Variants in DOCK2 observed in about 807,000 individuals in gnomAD.
DOCK2 encodes dedicator of cytokinesis 2, also known as dedicator of cytokinesis protein 2.
A neutral mutation model predicts 248.9 loss-of-function variants in DOCK2; 87 were observed. The ratio of observed to expected loss-of-function variants is 0.35; its 90% CI spans 0.29 to 0.42. The LOEUF is 0.42. Among genes scored for constraint, DOCK2 ranks in the 10% least tolerant of loss-of-function variants. DOCK2 has a pLI of 1.00. For missense variants in DOCK2, 1,747 were observed against 2,300.2 expected (o/e 0.76, Z 4.92); for synonymous variants, 805 against 821.6 (o/e 0.98, Z 0.35).
chr5:169,949,301 T>C (rs993532009), intron 27 of DOCK2, among the ~76,000 whole-genome samples: 8 of 152,106 alleles, frequency 5.3e-5, no homozygotes, highest in African/African-American at 9.7e-5. Flanking sequence ...AGGAGGGAGA[T>C]CATAATAATG....
At chr5:169,744,607 C>CAAA (rs35858546) in intron 22 of DOCK2, among the ~76,000 whole-genome samples, 7 of 145,136 alleles carry the variant, frequency 4.8e-5, no homozygotes, top group African/African-American at 1.7e-4. Context: ...CTCATAAAAT[C>CAAA]AAAAAAAAAA....
intron 23 of DOCK2, among the ~76,000 whole-genome samples, chr5:169,747,808 A>C (rs568822487): frequency 1.2e-4 from 18 of 152,324 alleles, no homozygotes; most frequent in African/African-American, 4.3e-4. Flanking sequence ...AGTCTCTTAA[A>C]CTGAGTTTAA....
chr5:169,836,145 A>G (rs1769570703), intron 26 of DOCK2, among the ~76,000 whole-genome samples: 1 of 152,124 alleles, frequency 6.6e-6, no homozygotes, highest in Non-Finnish European at 1.5e-5. Flanking sequence ...CAAAACTGTA[A>G]GTAGCATCAT....
chr5:170,042,493 C>T (rs1054239238), intron 38 of DOCK2, among the ~76,000 whole-genome samples: 1 of 152,242 alleles, frequency 6.6e-6, no homozygotes, highest in Admixed American at 6.5e-5. Flanking sequence ...ATTACACAAT[C>T]CTTCCCATGG....
intron 44 of DOCK2, among the ~76,000 whole-genome samples, chr5:170,062,165 G>C (rs537631577): frequency 9.6e-4 from 146 of 151,972 alleles, no homozygotes; most frequent in African/African-American, 3.3e-3. Flanking sequence ...GAGTGAGTCA[G>C]TCAATTCCCA....
At chr5:169,750,975 A>G (rs1217325093) in intron 23 of DOCK2, among the ~76,000 whole-genome samples, 1 of 152,186 alleles carries the variant, frequency 6.6e-6, no homozygotes, top group Non-Finnish European at 1.5e-5. Flanking sequence ...AGAGATGTGG[A>G]CATGTAGCCT....
intron 22 of DOCK2, among the ~76,000 whole-genome samples, chr5:169,736,188 TCTC>T (rs1763030620): frequency 6.6e-6 from 1 of 152,190 alleles, no homozygotes; most frequent in South Asian, 2.1e-4. Flanking sequence ...TCACAGCCCT[TCTC>T]CTAGAATTGA....
chr5:170,004,789 C>T (rs1002422134), intron 30 of DOCK2, among the ~76,000 whole-genome samples: 2 of 147,916 alleles, frequency 1.4e-5, no homozygotes, highest in Non-Finnish European at 3.0e-5. Flanking sequence ...AAATTGGAAA[C>T]CATCATTCTC....
Position 169,717,411 on chromosome 5 carries a change from C to T in DOCK2, c.2059C>T (p.Arg687Trp), listed in dbSNP as rs993592703. ...LIYIIGLIAD[R>W]KFQHFNTVLE... ...TTACATAATAGGACTCATTGCAGAC[C>T]GGAAATTTCAGCATTTCAACACCGT... Residue 687 changes from arginine (R) to tryptophan (W), a missense_variant, in exon 21 of 52, where the codon CGG (arginine) becomes TGG (tryptophan). Transcript: ENST00000520908. The T allele has an allele frequency of 1.9e-6, 3 of 1,613,846 alleles. No homozygotes were observed. Among genetic ancestry groups the T allele is most frequent in the East Asian group, 2.2e-5 (1 of 44,868 alleles).
intron 25 of DOCK2, among the ~76,000 whole-genome samples, chr5:169,768,953 C>T (rs1270750960): frequency 6.6e-6 from 1 of 152,180 alleles, no homozygotes; most frequent in Non-Finnish European, 1.5e-5. Flanking sequence ...CTCAAGCCTG[C>T]AGTAAGTCCT....
At position 169,849,044 on chromosome 5, in the gene DOCK2, C is replaced by T. The variant is rs187006117; in HGVS notation, c.2799+8192C>T. ...GCAGGACAGTAGCAACTCCTCCCAA[C>T]CCCAGTCCGTGGCAAGCAGGAGGGA... On this transcript the variant is annotated intron_variant, in intron 27 of 51. Transcript: ENST00000520908. 4.5e-3 allele frequency among the ~76,000 whole-genome samples: 685 copies of T among 152,206 alleles called. 9 individuals are homozygous for T. The highest frequency in any genetic ancestry group is 0.015 in the African/African-American group (641 of 41,522).
At chr5:169,675,099 A>T (rs1339650835) in intron 6 of DOCK2, among the ~76,000 whole-genome samples, 2 of 152,200 alleles carry the variant, frequency 1.3e-5, no homozygotes, top group African/African-American at 4.8e-5. Context: ...ATGCAGTTTG[A>T]TTATCCCCAC....
chr5:169,944,470 A>G (rs924867467), intron 27 of DOCK2, among the ~76,000 whole-genome samples: 2 of 152,144 alleles, frequency 1.3e-5, no homozygotes, highest in African/African-American at 4.8e-5. Flanking sequence ...AGGAGGCAGG[A>G]GATTTGGAAA....
At chr5:169,889,771 A>G (rs1250378783) in intron 27 of DOCK2, among the ~76,000 whole-genome samples, 1 of 152,218 alleles carries the variant, frequency 6.6e-6, no homozygotes, top group Non-Finnish European at 1.5e-5. Context: ...TTGTGTTCCA[A>G]TAAAACTTTA....
At chr5:169,959,035 G>A (rs970218777) in intron 27 of DOCK2, among the ~76,000 whole-genome samples, 32 of 152,158 alleles carry the variant, frequency 2.1e-4, no homozygotes, top group African/African-American at 7.7e-4. Flanking sequence ...GGACTGGGCA[G>A]AAACAACATA....
At chr5:169,647,690 C>T (rs1441031076) in intron 1 of DOCK2, among the ~76,000 whole-genome samples, 2 of 152,122 alleles carry the variant, frequency 1.3e-5, no homozygotes, top group Non-Finnish European at 2.9e-5. Flanking sequence ...TGCTGTCACA[C>T]CCTCTCCCCA....
chr5:170,010,514 GAGA>G (rs1403344659), intron 32 of DOCK2, among the ~76,000 whole-genome samples: 1 of 152,166 alleles, frequency 6.6e-6, no homozygotes, highest in Non-Finnish European at 1.5e-5. Context: ...TGCCCAAGCA[GAGA>G]AAAAAGACAG....
At chr5:169,756,636 T>C (rs539165640) in intron 23 of DOCK2, among the ~76,000 whole-genome samples, 1 of 152,220 alleles carries the variant, frequency 6.6e-6, no homozygotes, top group Non-Finnish European at 1.5e-5. Flanking sequence ...CTAGAAGTGC[T>C]TGCACCAGGC....
Position 169,924,743 on chromosome 5 carries a change from A to G in DOCK2, c.2800-58325A>G, listed in dbSNP as rs532623797. 2.0e-5 allele frequency among the ~76,000 whole-genome samples: 3 copies of G among 152,280 alleles called. No individual in the cohort carries two copies. In the South Asian group the frequency reaches 6.2e-4, roughly 32 times the overall value. On this transcript the variant is annotated intron_variant, in intron 27 of 51. Coordinates refer to ENST00000520908, the MANE Select transcript of DOCK2 (RefSeq NM_004946.3). ...CTGAAAGTTGAATAATTAACAGGAC[A>G]TTTCTTTTCCAACCCTTCTTTTCTT...
Sources: allele counts gnomAD v4.1 joint callset (sites outside exome capture counted in the v4.1 genomes callset), GRCh38; gene constraint gnomAD v4.1.1; transcripts MANE v1.5; gene names NCBI Gene and HGNC (gene_info 2026-07-23, HGNC 2026-07-21).